The following WDR12 variants were observed in gnomAD, a reference collection of about 807,000 sequenced individuals.
The protein encoded by WDR12 is ribosome biogenesis protein WDR12.
In WDR12, 42 loss-of-function variants were observed where a neutral mutation model predicts 64.3. That is an observed-to-expected ratio of 0.65 (90% CI 0.51 to 0.84). The LOEUF is 0.84. Among genes scored for constraint, WDR12 ranks in the 40% least tolerant of loss-of-function variants. WDR12 has a pLI of 0.00. For missense variants in WDR12, 469 were observed against 494.6 expected (o/e 0.95, Z 0.49); for synonymous variants, 158 against 173.3 (o/e 0.91, Z 0.70).
At chr2:202,906,874 A>C (rs1483818378) in intron 2 of WDR12, among the ~76,000 whole-genome samples, 1 of 152,170 alleles carries the variant, frequency 6.6e-6, no homozygotes, top group Non-Finnish European at 1.5e-5. Flanking sequence ...ACATATGGAA[A>C]AGTTCAGAAA....
At chr2:202,902,372 A>G (rs1180633828) in intron 2 of WDR12, among the ~76,000 whole-genome samples, 1 of 152,204 alleles carries the variant, frequency 6.6e-6, no homozygotes. Flanking sequence ...GATTGGATTG[A>G]AGGATGCAAA....
chr2:202,882,551 A>T (rs760229997), intron 12 of WDR12, among the ~76,000 whole-genome samples, 160 bp downstream of exon 12: 4 of 152,092 alleles, frequency 2.6e-5, no homozygotes, highest in Non-Finnish European at 5.9e-5. Flanking sequence ...GATGGCCTCG[A>T]TCTCCTGACC....
intron 7 of WDR12, 145 bp from the exon 8 acceptor site, chr2:202,892,847 GA>G (rs546265330): frequency 4.0e-4 from 168 of 424,458 alleles, no homozygotes; most frequent in African/African-American, 2.5e-3. Context: ...TTGGTTAACA[GA>G]AAGTTATATA....
In WDR12 at chr2:202,901,035, T is replaced by G. The variant is rs772675783; in HGVS notation, c.221A>C (p.Asn74Thr). 1 of 1,588,842 alleles carries G rather than the reference T, an allele frequency of 6.3e-7. No individual in the cohort carries two copies. Among genetic ancestry groups the G allele is most frequent in the Non-Finnish European group, 8.6e-7 (1 of 1,162,914 alleles). Residue 74 changes from asparagine (N) to threonine (T), a missense_variant, in exon 3 of 13, where the codon AAC becomes ACC. Transcript: ENST00000261015. ...MPLDKHMEME[N>T]ISSEEVVEIE... ...AGAATTTGAACTTACTGATGAGATG[T>G]TCTCCATTTCCATGTGTTTGTCCAA...
intron 2 of WDR12, 42 bp downstream of exon 2, chr2:202,907,823 T>C: frequency 6.7e-7 from 1 of 1,491,728 alleles, no homozygotes; most frequent in African/African-American, 1.4e-5. Flanking sequence ...CATTTTAGAA[T>C]AATTAGGGAC....
chr2:202,900,971 A>T, intron 3 of WDR12, 54 bp downstream of exon 3: 2 of 1,459,030 alleles, frequency 1.4e-6, no homozygotes, highest in Non-Finnish European at 1.9e-6. Flanking sequence ...GAGTTTACCT[A>T]CAATAGCCGA....
chr2:202,895,666 G>A (rs1170429101), intron 6 of WDR12, among the ~76,000 whole-genome samples: 1 of 150,156 alleles, frequency 6.7e-6, no homozygotes, highest in Admixed American at 6.7e-5. Context: ...GGGATTACAG[G>A]CATGCGCCAC....
At chr2:202,896,013 A>G in intron 6 of WDR12, 52 bp downstream of exon 6, 4 of 1,578,576 alleles carry the variant, frequency 2.5e-6, no homozygotes, top group Non-Finnish European at 3.4e-6. Flanking sequence ...ATGTTTAGCA[A>G]CAAGCTCAAA....
Position 202,897,300 on chromosome 2 carries a change from CT to C in WDR12, c.453del (p.Asp152IlefsTer8). ...CTAAGTGTAGGCAAACTGTCCTAAC[CT>C]TTTTTCACCCAGGCCACATCTTTTA... ...DVVKDVAWVK[K>X]DSLSCLLLSA... On this transcript the variant is annotated frameshift_variant and splice_region_variant, in exon 5 of 13. Transcript: ENST00000261015. LOFTEE classifies it high-confidence loss of function. 2 of 1,591,410 alleles carry C rather than the reference CT, an allele frequency of 1.3e-6. No individual in the cohort carries two copies. The highest frequency in any genetic ancestry group is 1.1e-5 in the South Asian group (1 of 87,152).
In WDR12 at chr2:202,907,969, G is replaced by C. The variant is rs771746523; in HGVS notation, c.42-10C>G. ...ATCATCTACGGCATATCTATAAAAAGGAAATGATATGTCAAGATCAAGTCT... is the reference window on the plus strand; with the variant it reads ...ATCATCTACGGCATATCTATAAAAACGAAATGATATGTCAAGATCAAGTCT... On this transcript the variant is annotated splice_polypyrimidine_tract_variant and intron_variant, in intron 1 of 12. Transcript: ENST00000261015. The C allele has an allele frequency of 2.5e-6, 4 of 1,609,530 alleles. No homozygotes were observed. The East Asian group carries it at 8.9e-5, about 36-fold the overall frequency.
intron 1 of WDR12, among the ~76,000 whole-genome samples, chr2:202,909,308 G>C (rs886883295): frequency 6.6e-6 from 1 of 152,160 alleles, no homozygotes; most frequent in African/African-American, 2.4e-5. Context: ...CTGATGAATG[G>C]AAAAATATGG....
Position 202,907,720 on chromosome 2 carries a change from A to G in WDR12, c.136+145T>C, listed in dbSNP as rs947024888. The stretch of plus-strand genomic sequence containing the variant: ...CAAAGCAGTATTTACAGTATCATCC[A>G]GCAGAAGAACCTGTACTTTATAACT... On this transcript the variant is annotated intron_variant, in intron 2 of 12. Coordinates refer to ENST00000261015, the MANE Select transcript of WDR12 (RefSeq NM_018256.4). 38 of 599,864 alleles carry G rather than the reference A, an allele frequency of 6.3e-5. 1 individual carries two copies. In the Middle Eastern group the frequency reaches 1.4e-3, roughly 22 times the overall value. The allele number at this position is 599,864 out of a possible 1,614,324, so 37.2% of individuals were successfully genotyped here.
chr2:202,884,174 C>T (rs757130436), intron 10 of WDR12, 24 bp downstream of exon 10: 2 of 1,592,544 alleles, frequency 1.3e-6, no homozygotes, highest in African/African-American at 1.3e-5. Flanking sequence ...CACATATATT[C>T]CCCCAGTGGT....
At chr2:202,899,050 T>G (rs1574408644) in intron 4 of WDR12, among the ~76,000 whole-genome samples, 1 of 136,144 alleles carries the variant, frequency 7.3e-6, no homozygotes, top group South Asian at 2.5e-4. Flanking sequence ...TTTTTTTTTT[T>G]TTTTTTTTTT....
At chr2:202,905,104 A>G (rs1688429680) in intron 2 of WDR12, among the ~76,000 whole-genome samples, 1 of 152,242 alleles carries the variant, frequency 6.6e-6, no homozygotes, top group Admixed American at 6.5e-5. Flanking sequence ...AATACAAATC[A>G]AAACTACAAT....
rs1687926981 is a variant in WDR12, at chr2:202,880,327, C to A, written c.*533G>T. The A allele has an allele frequency of 6.6e-6, 1 of 152,076 alleles. No homozygotes were observed. The highest frequency in any genetic ancestry group is 2.4e-5 in the African/African-American group (1 of 41,404). 9.4% of individuals were successfully genotyped at this position (152,076 alleles called of 1,614,324 possible). ...CTTTGGGAGGCTGAGGTGGGCAGAT[C>A]ACCTGAGGTCAGGAGTTCAAGACCA... is the stretch of plus-strand genomic sequence containing the variant. On this transcript the variant is annotated 3_prime_UTR_variant, in exon 13 of 13. Coordinates refer to ENST00000261015, the MANE Select transcript of WDR12 (RefSeq NM_018256.4).
intron 4 of WDR12, 46 bp downstream of exon 4, chr2:202,899,485 G>T: frequency 1.3e-6 from 2 of 1,535,176 alleles, no homozygotes; most frequent in Non-Finnish European, 1.8e-6. Context: ...ACTGAAGGAG[G>T]TAAAAACAAA....
At chr2:202,883,550 T>C in intron 11 of WDR12, 59 bp downstream of exon 11, 2 of 1,542,202 alleles carry the variant, frequency 1.3e-6, no homozygotes, top group Non-Finnish European at 1.8e-6. Flanking sequence ...TCAGTATTCA[T>C]TTCCTTTCTA....
At chr2:202,884,141 A>G (rs1688003668) in intron 10 of WDR12, 57 bp downstream of exon 10, 13 of 1,552,532 alleles carry the variant, frequency 8.4e-6, no homozygotes, top group Non-Finnish European at 1.1e-5. Context: ...ATCTCCAGAG[A>G]GATGAGAAAT....
Sources: gnomAD v4.1 joint callset for allele counts (sites outside exome capture counted in the v4.1 genomes callset) on GRCh38, gnomAD v4.1.1 for gene constraint, MANE v1.5 for transcripts, NCBI Gene and HGNC (gene_info 2026-07-23, HGNC 2026-07-21) for gene names.